FRMD3: variants seen among roughly 807,000 people sequenced by gnomAD.
The protein encoded by FRMD3 is FERM domain containing 3.
A neutral mutation model predicts 70.2 loss-of-function variants in FRMD3; 33 were observed. That is an observed-to-expected ratio of 0.47 (90% CI 0.36 to 0.63). The LOEUF is 0.63. Ranked by LOEUF, FRMD3 falls within the 20% of genes least tolerant of loss-of-function variation. The probability of loss-of-function intolerance (pLI) is 0.00; values close to 1 mark genes in which losing one functional copy is unlikely to be tolerated. For missense variants in FRMD3, 632 were observed against 711.4 expected, an observed-to-expected ratio of 0.89 and a Z score of 1.27; for synonymous variants, 279 against 255.9, an observed-to-expected ratio of 1.09 and a Z score of -0.86.
At chr9:83,543,427 G>A (rs1052432591), upstream of FRMD3, among the ~76,000 whole-genome samples, 5 of 152,072 alleles carry the variant, frequency 3.3e-5, no homozygotes, top group East Asian at 1.9e-4. Flanking sequence ...CGGTGTGGGC[G>A]GCAATTTGGG....
At chr9:83,503,599 C>CTG (rs915510407) in intron 1 of FRMD3, among the ~76,000 whole-genome samples, 1 of 152,218 alleles carries the variant, frequency 6.6e-6, no homozygotes, top group Non-Finnish European at 1.5e-5. Context: ...GCCCAGAATC[C>CTG]TGGTCTAGAC....
At chr9:83,299,693 G>C (rs894050752) in intron 10 of FRMD3, among the ~76,000 whole-genome samples, 1 of 152,192 alleles carries the variant, frequency 6.6e-6, no homozygotes, top group Admixed American at 6.5e-5. Context: ...CCAAGTGAGG[G>C]AACAAGGGTC....
At chr9:83,506,642 G>A (rs1354644942) in intron 1 of FRMD3, among the ~76,000 whole-genome samples, 2 of 152,078 alleles carry the variant, frequency 1.3e-5, no homozygotes, top group Non-Finnish European at 2.9e-5. Flanking sequence ...GAAGGCCTAG[G>A]ACATTACGCT....
chr9:83,367,608 A>G (rs1052766120), intron 3 of FRMD3, among the ~76,000 whole-genome samples: 32 of 152,356 alleles, frequency 2.1e-4, no homozygotes, highest in Admixed American at 3.9e-4. Context: ...TCCTAAAGAG[A>G]ATACTCCAGA....
chr9:83,515,379 A>G (rs966591719), intron 1 of FRMD3, among the ~76,000 whole-genome samples: 8 of 152,220 alleles, frequency 5.3e-5, no homozygotes, highest in African/African-American at 1.9e-4. Context: ...TGGAGATTGA[A>G]GATCAATTTA....
At chr9:83,515,185 C>A (rs978061910) in intron 1 of FRMD3, among the ~76,000 whole-genome samples, 4 of 152,260 alleles carry the variant, frequency 2.6e-5, no homozygotes, top group African/African-American at 9.6e-5. Context: ...GCTAAAAGAG[C>A]ATGTTCTAAC....
At chr9:83,333,423 G>A (rs1823463522) in intron 6 of FRMD3, among the ~76,000 whole-genome samples, 1 of 152,184 alleles carries the variant, frequency 6.6e-6, no homozygotes, top group African/African-American at 2.4e-5. Flanking sequence ...CTGAGTGCAT[G>A]ATGACCACTT....
chr9:83,540,040 C>A (rs1013125187), upstream of FRMD3, among the ~76,000 whole-genome samples: 4 of 152,156 alleles, frequency 2.6e-5, no homozygotes, highest in Non-Finnish European at 5.9e-5. Flanking sequence ...CTCTCCATTT[C>A]TTTTCTCATT....
chr9:83,442,721 C>T (rs192378114), intron 1 of FRMD3, among the ~76,000 whole-genome samples: 1 of 152,080 alleles, frequency 6.6e-6, no homozygotes. Flanking sequence ...GTAATCACAG[C>T]GTGCAGGGTG....
rs1824404647 is a variant in FRMD3, at chr9:83,357,245, ACATATATATATATATAT to A, written c.296-7505_296-7489del. On this transcript the variant is annotated intron_variant, in intron 3 of 13. Coordinates refer to ENST00000304195, the MANE Select transcript of FRMD3 (RefSeq NM_174938.6). The stretch of plus-strand genomic sequence containing the variant: ...TATATTTTATATATATATAATACAT[ACATATATATATATATAT>A]ATATATATATATATATATATATATA... Among the ~76,000 whole-genome samples, 23 of 6,490 alleles carry A rather than the reference ACATATATATATATATAT, an allele frequency of 3.5e-3. 3 individuals carry two copies. Among genetic ancestry groups the A allele is most frequent in the South Asian group, 0.019 (4 of 206 alleles). The allele number at this position is 6,490 out of a possible 152,430, so 4.3% of individuals were successfully genotyped here.
chr9:83,294,074 G>A (rs1170567857), intron 12 of FRMD3, among the ~76,000 whole-genome samples: 1 of 152,194 alleles, frequency 6.6e-6, no homozygotes, highest in Admixed American at 6.5e-5. Flanking sequence ...AAATTCATTT[G>A]TTGAAACCTA....
chr9:83,502,315 G>T (rs1473418402), intron 1 of FRMD3, among the ~76,000 whole-genome samples: 1 of 152,154 alleles, frequency 6.6e-6, no homozygotes, highest in East Asian at 1.9e-4. Flanking sequence ...ACATTCTAAA[G>T]GCATGTTCCC....
intron 3 of FRMD3, among the ~76,000 whole-genome samples, chr9:83,371,796 T>C (rs1235273177): frequency 1.3e-5 from 2 of 151,560 alleles, no homozygotes; most frequent in African/African-American, 4.9e-5. Flanking sequence ...GAGTTTGCCC[T>C]TGAAGGATGG....
chr9:83,290,573 C>A, intron 13 of FRMD3, 30 bp downstream of exon 13: 1 of 1,613,576 alleles, frequency 6.2e-7, no homozygotes, highest in Non-Finnish European at 8.5e-7. Context: ...GCCTGCAGCA[C>A]CAGCATTTGG....
intron 6 of FRMD3, chr9:83,332,053 C>A (rs112528660): frequency 1.6e-6 from 1 of 619,040 alleles, no homozygotes; most frequent in Non-Finnish European, 2.9e-6. Context: ...CGGAGCCCCC[C>A]AGCTGGCCTC....
At chr9:83,348,275 A>G (rs1824030365) in intron 4 of FRMD3, among the ~76,000 whole-genome samples, 1 of 152,046 alleles carries the variant, frequency 6.6e-6, no homozygotes, top group Non-Finnish European at 1.5e-5. Flanking sequence ...TTTGGCAGCT[A>G]ATTCAGTCAC....
intron 1 of FRMD3, among the ~76,000 whole-genome samples, chr9:83,497,546 A>G (rs899312954): frequency 2.6e-5 from 4 of 152,240 alleles, no homozygotes; most frequent in African/African-American, 9.6e-5. Flanking sequence ...GACATTTACT[A>G]CTTACCAAAT....
intron 3 of FRMD3, among the ~76,000 whole-genome samples, chr9:83,360,166 A>G (rs1824537052): frequency 1.3e-5 from 2 of 152,198 alleles, no homozygotes; most frequent in African/African-American, 4.8e-5. Flanking sequence ...GGTTAGCAAG[A>G]ACACATGAAA....
At chr9:83,534,358 G>A (rs1057177787) in intron 1 of FRMD3, among the ~76,000 whole-genome samples, 1 of 152,194 alleles carries the variant, frequency 6.6e-6, no homozygotes, top group Non-Finnish European at 1.5e-5. Context: ...GGACCACTAG[G>A]TTGTGTGTTT....
Sources: allele counts gnomAD v4.1 joint callset (sites outside exome capture counted in the v4.1 genomes callset), GRCh38; gene constraint gnomAD v4.1.1; transcripts MANE v1.5; gene names NCBI Gene and HGNC (gene_info 2026-07-23, HGNC 2026-07-21).